Variants in WDR70 observed in about 807,000 individuals in gnomAD.
The protein encoded by WDR70 is WD repeat domain 70.
WDR70 carries 53 observed loss-of-function variants against 88.6 expected under a neutral mutation model. The observed-to-expected ratio is 0.60, with a 90% CI of 0.48 to 0.75. The LOEUF (loss-of-function observed/expected upper bound fraction) is 0.75, where lower values mean the gene tolerates loss of function less well. WDR70 is among the 30% of genes least tolerant of loss of function. WDR70 has a pLI of 0.00. For missense variants in WDR70, 610 were observed against 823.2 expected (o/e 0.74, Z 3.17); for synonymous variants, 280 against 270.0 (o/e 1.04, Z -0.36).
intron 10 of WDR70, among the ~76,000 whole-genome samples, chr5:37,694,925 C>T (rs1044228340): frequency 6.6e-6 from 1 of 152,140 alleles, no homozygotes; most frequent in African/African-American, 2.4e-5. Flanking sequence ...CTTTTGCCTT[C>T]AGGATAAAAT....
intron 8 of WDR70, among the ~76,000 whole-genome samples, chr5:37,491,413 T>C (rs1740065473): frequency 6.6e-6 from 1 of 152,230 alleles, no homozygotes; most frequent in Non-Finnish European, 1.5e-5. Context: ...AGAGCTGATA[T>C]TGTTCAGTGC....
At chr5:37,679,635 G>A (rs1449596712) in intron 10 of WDR70, among the ~76,000 whole-genome samples, 1 of 152,198 alleles carries the variant, frequency 6.6e-6, no homozygotes, top group Non-Finnish European at 1.5e-5. Context: ...GTGTCAGTCT[G>A]CCCCTACTGG....
At chr5:37,665,958 G>A (rs1355174072) in intron 10 of WDR70, among the ~76,000 whole-genome samples, 3 of 152,170 alleles carry the variant, frequency 2.0e-5, no homozygotes, top group Non-Finnish European at 2.9e-5. Context: ...CACTTGAACT[G>A]GCTGCCAGCG....
intron 5 of WDR70, among the ~76,000 whole-genome samples, chr5:37,401,901 CG>C (rs2111923691): frequency 6.6e-6 from 1 of 152,176 alleles, no homozygotes; most frequent in Admixed American, 6.5e-5. Flanking sequence ...ATATCCATTG[CG>C]TAAAACACTG....
chr5:37,520,626 T>A (rs1741056330), intron 9 of WDR70, among the ~76,000 whole-genome samples: 1 of 152,168 alleles, frequency 6.6e-6, no homozygotes, highest in Non-Finnish European at 1.5e-5. Flanking sequence ...TAAGGATATT[T>A]TACCACCAGG....
intron 13 of WDR70, among the ~76,000 whole-genome samples, chr5:37,713,890 A>G (rs1747584194): frequency 6.6e-6 from 1 of 152,244 alleles, no homozygotes; most frequent in Non-Finnish European, 1.5e-5. Flanking sequence ...GATCTTTGGT[A>G]ACAAGTTTTC....
chr5:37,616,099 C>T (rs4869536), intron 10 of WDR70, among the ~76,000 whole-genome samples: 70,631 of 151,588 alleles, frequency 0.47, 17,905 homozygotes, highest in Non-Finnish European at 0.58. Flanking sequence ...CTTTGAGTAT[C>T]TTCCATAACT....
At chr5:37,489,757 G>A (rs1031252259) in intron 8 of WDR70, among the ~76,000 whole-genome samples, 1 of 151,962 alleles carries the variant, frequency 6.6e-6, no homozygotes, top group African/African-American at 2.4e-5. Context: ...GTCTAGGGTG[G>A]TGTGGTAGGG....
chr5:37,416,558 AGGGAGAGGGCTT>A (rs1376561839), intron 5 of WDR70, among the ~76,000 whole-genome samples: 15 of 144,330 alleles, frequency 1.0e-4, no homozygotes, highest in South Asian at 2.2e-4. Flanking sequence ...GGAGAGGGAG[AGGGAGAGGGCTT>A]GGGAGAGGGC....
At chr5:37,476,266 T>G (rs1417670206) in intron 7 of WDR70, among the ~76,000 whole-genome samples, 1 of 152,224 alleles carries the variant, frequency 6.6e-6, no homozygotes, top group Middle Eastern at 3.2e-3. Context: ...CTATTATAAA[T>G]TAGTACTTTT....
intron 5 of WDR70, among the ~76,000 whole-genome samples, chr5:37,421,121 G>A (rs1483333923): frequency 6.6e-6 from 1 of 152,162 alleles, no homozygotes; most frequent in Non-Finnish European, 1.5e-5. Flanking sequence ...ATTCGGAAGT[G>A]CTAAGTTCTC....
chr5:37,729,987 C>A (rs1185322940), intron 17 of WDR70, among the ~76,000 whole-genome samples: 1 of 152,036 alleles, frequency 6.6e-6, no homozygotes, highest in Non-Finnish European at 1.5e-5. Flanking sequence ...ACGTAAGTAT[C>A]TTCTTACATC....
At chr5:37,693,439 C>A (rs1746873075) in intron 10 of WDR70, among the ~76,000 whole-genome samples, 1 of 152,198 alleles carries the variant, frequency 6.6e-6, no homozygotes, top group Non-Finnish European at 1.5e-5. Flanking sequence ...CTGGAGGCAT[C>A]ATGCTACCTG....
chr5:37,536,303 C>G (rs1179639799), intron 9 of WDR70, among the ~76,000 whole-genome samples: 1 of 152,166 alleles, frequency 6.6e-6, no homozygotes, highest in Non-Finnish European at 1.5e-5. Flanking sequence ...TACTTCTCTT[C>G]AAATCCTAAT....
intron 7 of WDR70, among the ~76,000 whole-genome samples, chr5:37,466,823 T>C (rs1286189709): frequency 6.6e-6 from 1 of 151,252 alleles, no homozygotes; most frequent in Non-Finnish European, 1.5e-5. Flanking sequence ...AGCACAGATA[T>C]AAAACATTTC....
chr5:37,467,588 G>A (rs1238118688), intron 7 of WDR70, among the ~76,000 whole-genome samples: 4 of 150,672 alleles, frequency 2.7e-5, no homozygotes, highest in Non-Finnish European at 5.9e-5. Flanking sequence ...CCAGGCTGGA[G>A]TGCAGTGGCA....
intron 7 of WDR70, among the ~76,000 whole-genome samples, chr5:37,464,216 T>C (rs1581305519): frequency 6.6e-6 from 1 of 152,204 alleles, no homozygotes; most frequent in Non-Finnish European, 1.5e-5. Flanking sequence ...TTCCCCCAAA[T>C]GGGAGTAGCA....
At chr5:37,641,956 C>T (rs1368547846) in intron 10 of WDR70, among the ~76,000 whole-genome samples, 6 of 152,096 alleles carry the variant, frequency 3.9e-5, no homozygotes, top group African/African-American at 7.2e-5. Context: ...TTAAATGTTA[C>T]TTTAAAAGTT....
intron 5 of WDR70, among the ~76,000 whole-genome samples, chr5:37,431,064 G>A (rs982354717): frequency 6.6e-6 from 1 of 152,114 alleles, no homozygotes; most frequent in Non-Finnish European, 1.5e-5. Flanking sequence ...GTGTTGGCTA[G>A]GCTGGTCTGG....
Sources: allele counts gnomAD v4.1 joint callset (sites outside exome capture counted in the v4.1 genomes callset), GRCh38; gene constraint gnomAD v4.1.1; transcripts MANE v1.5; gene names NCBI Gene and HGNC (gene_info 2026-07-23, HGNC 2026-07-21).